FERMT1: variants seen among roughly 807,000 people sequenced by gnomAD.
The protein encoded by FERMT1 is fermitin family homolog 1.
FERMT1 carries 60 observed loss-of-function variants against 85.3 expected under a neutral mutation model. The observed-to-expected ratio is 0.70, with a 90% CI of 0.57 to 0.87. The LOEUF is 0.87. FERMT1 is among the 40% of genes least tolerant of loss of function. The pLI, the probability that FERMT1 is intolerant of heterozygous loss-of-function variation, is 0.00. For missense variants in FERMT1, 701 were observed against 818.9 expected (o/e 0.86, Z 1.76); for synonymous variants, 275 against 301.1 (o/e 0.91, Z 0.90).
chr20:6,108,809 CAA>C (rs11434994), intron 5 of FERMT1, among the ~76,000 whole-genome samples: 26 of 94,220 alleles, frequency 2.8e-4, no homozygotes, highest in Non-Finnish European at 1.8e-4. Context: ...GACTCTGTCT[CAA>C]AAAAAAAAAA....
chr20:6,103,296 G>A (rs1010990212), intron 6 of FERMT1, among the ~76,000 whole-genome samples: 3 of 152,156 alleles, frequency 2.0e-5, no homozygotes, highest in Non-Finnish European at 4.4e-5. Flanking sequence ...TGGTATGAAT[G>A]TATCATAATG....
intron 9 of FERMT1, among the ~76,000 whole-genome samples, chr20:6,093,634 G>GT (rs771998163): frequency 1.3e-5 from 2 of 152,184 alleles, no homozygotes; most frequent in African/African-American, 2.4e-5. Context: ...GTGAAATGTG[G>GT]TTACAACCAT....
intron 9 of FERMT1, among the ~76,000 whole-genome samples, chr20:6,091,653 C>T (rs982588384): frequency 1.3e-5 from 2 of 152,232 alleles, no homozygotes; most frequent in African/African-American, 4.8e-5. Context: ...GTTTAATCTT[C>T]AGCCTCTAAA....
intron 12 of FERMT1, 109 bp from the exon 13 acceptor site, chr20:6,084,273 G>T: frequency 1.7e-6 from 2 of 1,191,280 alleles, no homozygotes; most frequent in South Asian, 1.3e-5. Flanking sequence ...TCCGTCTGCA[G>T]CTCTACAAAG....
intron 1 of FERMT1, among the ~76,000 whole-genome samples, chr20:6,121,592 T>A (rs1338587908): frequency 6.6e-6 from 1 of 152,248 alleles, no homozygotes; most frequent in East Asian, 1.9e-4. Flanking sequence ...ACCTACTGAC[T>A]GTATGATGTG....
intron 14 of FERMT1, among the ~76,000 whole-genome samples, chr20:6,077,819 T>C (rs1981872891): frequency 6.6e-6 from 1 of 152,098 alleles, no homozygotes; most frequent in African/African-American, 2.4e-5. Context: ...TAGTTGGGAT[T>C]ACAGGTGTGT....
intron 13 of FERMT1, among the ~76,000 whole-genome samples, chr20:6,081,076 C>T (rs975921861): frequency 2.0e-5 from 3 of 152,120 alleles, no homozygotes; most frequent in African/African-American, 7.2e-5. Context: ...TACTTGAAGC[C>T]AAGAGATTGA....
chr20:6,114,355 T>G (rs943068379), intron 3 of FERMT1, among the ~76,000 whole-genome samples: 1 of 152,240 alleles, frequency 6.6e-6, no homozygotes, highest in African/African-American at 2.4e-5. Context: ...TCACTTCAAT[T>G]GATAAGATAT....
intron 8 of FERMT1, 76 bp from the exon 9 acceptor site, chr20:6,095,064 A>G: frequency 1.2e-6 from 1 of 807,796 alleles, no homozygotes; most frequent in South Asian, 1.4e-5. Flanking sequence ...ACTGTCTAAT[A>G]TGGCAGTCCC....
intron 6 of FERMT1, among the ~76,000 whole-genome samples, chr20:6,101,985 T>C (rs963346158): frequency 3.3e-5 from 5 of 152,238 alleles, no homozygotes; most frequent in Middle Eastern, 3.4e-3. Flanking sequence ...ATTAATTTAA[T>C]TGTGGTAAAA....
intron 6 of FERMT1, among the ~76,000 whole-genome samples, chr20:6,107,024 C>CG (rs1369469720): frequency 6.6e-6 from 1 of 151,990 alleles, no homozygotes; most frequent in Admixed American, 6.6e-5. Flanking sequence ...AGTGAAACCC[C>CG]GTCTTTACTA....
intron 11 of FERMT1, among the ~76,000 whole-genome samples, chr20:6,086,373 G>A (rs1982185863): frequency 6.6e-6 from 1 of 152,146 alleles, no homozygotes; most frequent in South Asian, 2.1e-4. Flanking sequence ...GGCCATTATG[G>A]GATCTTAACA....
In FERMT1 at chr20:6,076,956, G is replaced by GA. The variant is rs1981841508; in HGVS notation, c.*216dup. On this transcript the variant is annotated 3_prime_UTR_variant, in exon 15 of 15. Transcript: ENST00000217289. ...TTTTCTCCTGCCTACCCATTTTATA[G>GA]AAAAAACAAGAGAGGCTCCTTCCGT... is the stretch of plus-strand genomic sequence containing the variant. 2 of 584,316 alleles carry GA rather than the reference G, an allele frequency of 3.4e-6. No homozygotes were observed. Among genetic ancestry groups the GA allele is most frequent in the South Asian group, 4.0e-5 (2 of 49,994 alleles). The allele number at this position is 584,316 out of a possible 1,614,324, so 36.2% of individuals were successfully genotyped here.
chr20:6,116,642 T>A, intron 2 of FERMT1, among the ~76,000 whole-genome samples: 1 of 150,818 alleles, frequency 6.6e-6, no homozygotes, highest in African/African-American at 2.4e-5. Context: ...GGCAGGAGAA[T>A]CACTTGAACC....
rs1422917507 is a variant in FERMT1, at chr20:6,077,144, T to C, written c.*29A>G. The C allele has an allele frequency of 1.2e-6, 2 of 1,612,422 alleles. No homozygotes were observed. Among genetic ancestry groups the C allele is most frequent in the South Asian group, 1.1e-5 (1 of 91,002 alleles). ...GGAGGGGCGCCTTTGGCTTGCCTTG[T>C]TGGTGTGAGCCGAGCACGCGTGCTT... On this transcript the variant is annotated 3_prime_UTR_variant, in exon 15 of 15. Coordinates refer to ENST00000217289, the MANE Select transcript of FERMT1 (RefSeq NM_017671.5).
intron 3 of FERMT1, among the ~76,000 whole-genome samples, chr20:6,114,456 A>G (rs1239409374): frequency 1.3e-5 from 2 of 152,238 alleles, no homozygotes; most frequent in African/African-American, 2.4e-5. Context: ...GCTTCTGTTT[A>G]CTTGAAAACT....
intron 9 of FERMT1, among the ~76,000 whole-genome samples, chr20:6,090,298 C>T (rs1600431819): frequency 6.6e-6 from 1 of 152,146 alleles, no homozygotes. Flanking sequence ...TGGTCTCGAT[C>T]TCCTGACCTT....
At position 6,110,350 on chromosome 20, in the gene FERMT1, C is replaced by G. The variant is rs1982911141; in HGVS notation, c.694G>C (p.Ala232Pro). 2 of 1,613,754 alleles carry G rather than the reference C, an allele frequency of 1.2e-6. No individual in the cohort carries two copies. Among genetic ancestry groups the G allele is most frequent in the Non-Finnish European group, 8.5e-7 (1 of 1,179,888 alleles). ...SQPPQSPEAL[A>P]DMYQPRSLVD... ...AGAGACCGAGGCTGGTACATATCCG[C>G]AAGTGCTTCTGGGGACTGGGGGGGT... The change falls in exon 5 of 15, where the codon GCG becomes CCG. Residue 232 changes from alanine to proline, a missense_variant. Physicochemically the swap from Ala to Pro is conservative, Grantham distance 27. Transcript: ENST00000217289.
chr20:6,110,681 C>G (rs1008325601), intron 4 of FERMT1, among the ~76,000 whole-genome samples, 170 bp from the exon 5 acceptor site: 1 of 152,130 alleles, frequency 6.6e-6, no homozygotes, highest in Non-Finnish European at 1.5e-5. Context: ...ATCCTAGCTA[C>G]TTGGGAGGCT....
Sources: allele counts gnomAD v4.1 joint callset (sites outside exome capture counted in the v4.1 genomes callset), GRCh38; gene constraint gnomAD v4.1.1; transcripts MANE v1.5; gene names NCBI Gene and HGNC (gene_info 2026-07-23, HGNC 2026-07-21).